ZNF695: variants seen among roughly 807,000 people sequenced by gnomAD.
ZNF695 encodes the protein zinc finger protein SBZF3.
In ZNF695, 11 loss-of-function variants were observed where a neutral mutation model predicts 11.2. The ratio of observed to expected loss-of-function variants is 0.98; its 90% confidence interval spans 0.62 to 1.62. The LOEUF (loss-of-function observed/expected upper bound fraction) is 1.62. Among genes scored for constraint, ZNF695 ranks in the 40% most tolerant of loss-of-function variants. The pLI, the probability that ZNF695 is intolerant of heterozygous loss-of-function variation, is 0.00. For missense variants in ZNF695, 559 were observed against 590.5 expected (o/e 0.95, Z 0.55); for synonymous variants, 190 against 201.4 (o/e 0.94, Z 0.48).
At chr1:246,991,333 G>C (rs1282891875) in intron 3 of ZNF695, among the ~76,000 whole-genome samples, 1 of 151,888 alleles carries the variant, frequency 6.6e-6, no homozygotes, top group Non-Finnish European at 1.5e-5. Flanking sequence ...AAAGTGAAGA[G>C]ACAACCCAGA....
intron 5 of ZNF695, among the ~76,000 whole-genome samples, chr1:246,965,213 T>C (rs574502096): frequency 1.5e-3 from 231 of 151,862 alleles, no homozygotes; most frequent in African/African-American, 4.4e-3. Flanking sequence ...AAACATTAGC[T>C]GGGCATGGTG....
intron 1 of ZNF695, among the ~76,000 whole-genome samples, chr1:247,005,927 T>G (rs1669519119): frequency 6.6e-6 from 1 of 152,084 alleles, no homozygotes; most frequent in African/African-American, 2.4e-5. Context: ...GAAAATATTT[T>G]TTAAAAAGCC....
At chr1:246,965,632 G>A (rs1546144) in intron 5 of ZNF695, among the ~76,000 whole-genome samples, 43,868 of 151,902 alleles carry the variant, frequency 0.29, 7,320 homozygotes, top group East Asian at 0.42. Flanking sequence ...AGCTACTCAG[G>A]AGGCTGATGC....
chr1:246,961,895 G>C (rs1270520807), intron 5 of ZNF695, among the ~76,000 whole-genome samples: 1 of 152,178 alleles, frequency 6.6e-6, no homozygotes, highest in African/African-American at 2.4e-5. Flanking sequence ...ATTCAGTTAA[G>C]GGAAAAGATC....
downstream of ZNF695, among the ~76,000 whole-genome samples, chr1:246,984,773 TAC>T (rs1168315624): frequency 1.2e-4 from 18 of 152,250 alleles, no homozygotes; most frequent in African/African-American, 3.1e-4. Flanking sequence ...TGAAAATTAA[TAC>T]ACTCACTGTG....
chr1:246,995,678 G>A (rs1572532101), intron 3 of ZNF695, among the ~76,000 whole-genome samples: 1 of 151,462 alleles, frequency 6.6e-6, no homozygotes, highest in Non-Finnish European at 1.5e-5. Context: ...AAAAAGACAC[G>A]GTGGCACATG....
chr1:246,946,453 G>A (rs1384376904), intron 5 of ZNF695, among the ~76,000 whole-genome samples: 1 of 152,230 alleles, frequency 6.6e-6, no homozygotes, highest in East Asian at 1.9e-4. Context: ...TACCCTCTCG[G>A]ACTTTTACTT....
chr1:246,959,279 T>C (rs1668088439), intron 5 of ZNF695, among the ~76,000 whole-genome samples: 1 of 16,248 alleles, frequency 6.2e-5, no homozygotes, highest in Admixed American at 9.0e-4. Context: ...TGAGACCCTG[T>C]CTCAAAAAAA....
chr1:246,969,948 C>T lies in ZNF695; in HGVS notation c.391-2156G>A, dbSNP rs549595466. Among the ~76,000 whole-genome samples, 149 of 152,336 alleles carry T rather than the reference C, an allele frequency of 9.8e-4. 1 individual carries two copies. Among genetic ancestry groups the T allele is most frequent in the East Asian group, 1.2e-3 (6 of 5,186 alleles). On this transcript the variant is annotated intron_variant, in intron 4 of 5. Transcript: ENST00000487338. ...ACCTCCCACTAGGCCCCTCCTCCAA[C>T]ATTGGGGATTACAATTCAACATGAG... is the stretch of plus-strand genomic sequence containing the variant.
At chr1:246,973,491 A>C (rs1464399881) in intron 4 of ZNF695, among the ~76,000 whole-genome samples, 4 of 152,256 alleles carry the variant, frequency 2.6e-5, no homozygotes, top group Non-Finnish European at 5.9e-5. Flanking sequence ...GCGACCAGCA[A>C]TTATCATGTG....
chr1:246,990,319 T>C (rs1036239469), intron 3 of ZNF695, among the ~76,000 whole-genome samples: 1 of 152,198 alleles, frequency 6.6e-6, no homozygotes, highest in African/African-American at 2.4e-5. Flanking sequence ...GGAGTCACTA[T>C]ACTGGTGTCA....
chr1:246,988,336 A>G (rs1473160453), intron 3 of ZNF695, 81 bp from the exon 4 acceptor site: 3 of 1,077,040 alleles, frequency 2.8e-6, no homozygotes, highest in African/African-American at 3.2e-5. Flanking sequence ...TTATACAAGC[A>G]TATTAGCAAG....
intron 4 of ZNF695, among the ~76,000 whole-genome samples, chr1:246,980,195 A>C (rs968254011): frequency 3.3e-5 from 5 of 150,886 alleles, no homozygotes; most frequent in African/African-American, 4.9e-5. Flanking sequence ...AAAAAAAAAA[A>C]AAAAAAAAAC....
At chr1:246,959,301 A>AAT (rs1219780389) in intron 5 of ZNF695, among the ~76,000 whole-genome samples, 104 of 70,232 alleles carry the variant, frequency 1.5e-3, no homozygotes, top group Non-Finnish European at 2.3e-3. Context: ...AAAAAAAAAA[A>AAT]AAAAAAAAAA....
In ZNF695 at chr1:247,007,963, G is replaced by T; in HGVS notation, c.-55C>A. 1 of 1,464,340 alleles carries T rather than the reference G, an allele frequency of 6.8e-7. No individual in the cohort carries two copies. The highest frequency in any genetic ancestry group is 9.1e-7 in the Non-Finnish European group (1 of 1,096,962). The allele number at this position is 1,464,340 out of a possible 1,614,324, so 90.7% of individuals were successfully genotyped here. ...CCCTATAAATCTCGCAATACCTGCA[G>T]GCCACAGGGCGATGGAGCCTGCGGC... On this transcript the variant is annotated 5_prime_UTR_variant, in exon 1 of 4. In the 5' UTR this introduces an upstream ATG that the reference lacks. Coordinates refer to ENST00000339986, the MANE Select transcript of ZNF695 (RefSeq NM_020394.5).
At chr1:246,999,468 T>C (rs1669302687) in intron 2 of ZNF695, 28 bp from the exon 3 acceptor site, 1 of 1,554,474 alleles carries the variant, frequency 6.4e-7, no homozygotes, top group Non-Finnish European at 8.9e-7. Context: ...AGGTGCATGA[T>C]TCTTGCAGGG....
At chr1:246,977,005 C>T (rs1668585158) in intron 4 of ZNF695, among the ~76,000 whole-genome samples, 1 of 152,142 alleles carries the variant, frequency 6.6e-6, no homozygotes, top group Non-Finnish European at 1.5e-5. Context: ...CAAACTACAA[C>T]AATACTTACA....
intron 5 of ZNF695, among the ~76,000 whole-genome samples, chr1:246,956,371 T>G (rs1466867804): frequency 6.7e-6 from 1 of 150,202 alleles, no homozygotes; most frequent in Non-Finnish European, 1.5e-5. Flanking sequence ...ATCCCAGCAC[T>G]CTGGGAGGCT....
At chr1:246,964,008 T>C (rs567158279) in intron 5 of ZNF695, among the ~76,000 whole-genome samples, 1 of 152,304 alleles carries the variant, frequency 6.6e-6, no homozygotes, top group South Asian at 2.1e-4. Flanking sequence ...ACTTTATTTA[T>C]GTTCACCTGT....
Sources: allele counts gnomAD v4.1 joint callset (sites outside exome capture counted in the v4.1 genomes callset), GRCh38; gene constraint gnomAD v4.1.1; transcripts MANE v1.5; gene names NCBI Gene and HGNC (gene_info 2026-07-23, HGNC 2026-07-21).